Variants in SLC8B1 observed in about 807,000 individuals in gnomAD.
SLC8B1 encodes the protein mitochondrial sodium/calcium exchanger protein.
Under a neutral mutation model 63.4 loss-of-function variants are expected in SLC8B1, and 52 were observed. The ratio of observed to expected loss-of-function variants is 0.82; its 90% CI spans 0.66 to 1.03. The LOEUF is 1.03. Ranked by LOEUF, SLC8B1 falls within the 50% of genes least tolerant of loss-of-function variation. The pLI is 0.00. For synonymous variants in SLC8B1, 336 were observed against 323.9 expected, an observed-to-expected ratio of 1.04 and a Z score of -0.40; for missense variants, 657 against 741.7, an observed-to-expected ratio of 0.89 and a Z score of 1.33.
At chr12:113,318,943 G>T in intron 8 of SLC8B1, 21 bp downstream of exon 8, 1 of 1,603,166 alleles carries the variant, frequency 6.2e-7, no homozygotes, top group Non-Finnish European at 8.5e-7. Context: ...GTCCTCTCTG[G>T]GGTCCGATGC....
At chr12:113,304,524 G>T in intron 14 of SLC8B1, 139 bp from the exon 15 acceptor site, 1 of 674,898 alleles carries the variant, frequency 1.5e-6, no homozygotes, top group Non-Finnish European at 2.6e-6. Flanking sequence ...AGTGGCTCAT[G>T]CCTGTAATCC....
At chr12:113,321,031 G>C (rs541392454) in intron 4 of SLC8B1, 25 bp downstream of exon 4, 1 of 1,606,920 alleles carries the variant, frequency 6.2e-7, no homozygotes, top group African/African-American at 1.3e-5. Context: ...TGATAAGCCA[G>C]ACCGGAGCCC....
At chr12:113,315,579 A>C in intron 10 of SLC8B1, 103 bp from the exon 11 acceptor site, 4 of 1,343,454 alleles carry the variant, frequency 3.0e-6, no homozygotes, top group Non-Finnish European at 4.0e-6. Flanking sequence ...TTCATTGCTG[A>C]AGCACTGACT....
Position 113,316,637 on chromosome 12 carries a change from C to G in SLC8B1, c.882G>C (p.Leu294=), listed in dbSNP as rs1956839876. Reference sequence around the variant, plus strand: ...GAGCCGTGGTCTCCTGGTAGAAGAACAGCGGCCGGTACTCATCACCTGTGT... The same window carrying G: ...GAGCCGTGGTCTCCTGGTAGAAGAAGAGCGGCCGGTACTCATCACCTGTGT... The part of the protein sequence containing the change: ...SYDYGDEYRP[L]FFYQETTAQI... Residue 294 remains leucine, a synonymous_variant, in exon 10 of 16, where the codon CTG becomes CTC. Transcript: ENST00000680972. The G allele has an allele frequency of 3.7e-6, 6 of 1,613,806 alleles. No homozygotes were observed. Among genetic ancestry groups the G allele is most frequent in the Non-Finnish European group, 5.1e-6 (6 of 1,180,020 alleles).
intron 2 of SLC8B1, among the ~76,000 whole-genome samples, chr12:113,330,699 T>C (rs1957044716): frequency 6.6e-6 from 1 of 152,184 alleles, no homozygotes; most frequent in Non-Finnish European, 1.5e-5. Flanking sequence ...TTCCCATCTG[T>C]AAAATGGGCT....
chr12:113,316,908 CG>C, intron 9 of SLC8B1, 33 bp downstream of exon 9: 1 of 1,607,312 alleles, frequency 6.2e-7, no homozygotes, highest in Non-Finnish European at 8.5e-7. Flanking sequence ...TCCCTGTTAC[CG>C]CCACCCTGGC....
At chr12:113,321,593 G>A (rs558911349) in intron 2 of SLC8B1, among the ~76,000 whole-genome samples, 6 of 151,844 alleles carry the variant, frequency 4.0e-5, no homozygotes, top group South Asian at 2.1e-4. Context: ...TCTAAATTCC[G>A]CTTTCTTATC....
At chr12:113,304,039 CCTGA>C (rs370128615) in intron 15 of SLC8B1, among the ~76,000 whole-genome samples, 53 of 152,282 alleles carry the variant, frequency 3.5e-4, no homozygotes, top group Non-Finnish European at 6.8e-4. Context: ...CACCACCACA[CCTGA>C]CTAATTTTTG....
At chr12:113,318,867 T>C (rs1335272110) in intron 8 of SLC8B1, 97 bp downstream of exon 8, 1 of 870,576 alleles carries the variant, frequency 1.1e-6, no homozygotes, top group Non-Finnish European at 1.9e-6. Context: ...ATGAGCTTGG[T>C]GGGGACAATG....
At chr12:113,316,703 T>C (rs201732490) in intron 9 of SLC8B1, 47 bp from the exon 10 acceptor site, 2 of 1,603,156 alleles carry the variant, frequency 1.2e-6, no homozygotes, top group African/African-American at 1.3e-5. Flanking sequence ...GCTGACTTGC[T>C]CTCCAGGAAA....
At chr12:113,323,268 T>A (rs919515864) in intron 2 of SLC8B1, among the ~76,000 whole-genome samples, 1 of 152,192 alleles carries the variant, frequency 6.6e-6, no homozygotes. Flanking sequence ...ATCTTCAACA[T>A]TGCTAGATTT....
At chr12:113,329,393 C>T (rs1200397565) in intron 2 of SLC8B1, among the ~76,000 whole-genome samples, 1 of 152,202 alleles carries the variant, frequency 6.6e-6, no homozygotes, top group Non-Finnish European at 1.5e-5. Flanking sequence ...TATCTTCCTG[C>T]CCTCCCTCCT....
chr12:113,331,128 C>A (rs900494464), intron 2 of SLC8B1, among the ~76,000 whole-genome samples: 4 of 152,042 alleles, frequency 2.6e-5, no homozygotes, highest in African/African-American at 9.7e-5. Context: ...AACCTGGAGC[C>A]ATCCACAACT....
At chr12:113,303,256 A>C (rs1220169592) in intron 15 of SLC8B1, among the ~76,000 whole-genome samples, 6 of 152,200 alleles carry the variant, frequency 3.9e-5, no homozygotes, top group Non-Finnish European at 4.4e-5. Context: ...AAACCCATAA[A>C]GAGGGACAAC....
intron 2 of SLC8B1, among the ~76,000 whole-genome samples, chr12:113,325,647 T>C (rs921824300): frequency 1.3e-5 from 2 of 150,008 alleles, no homozygotes; most frequent in Non-Finnish European, 3.0e-5. Flanking sequence ...TCACGGCAAG[T>C]TCCGCCTCCC....
At chr12:113,326,380 T>C (rs1566243667) in intron 2 of SLC8B1, among the ~76,000 whole-genome samples, 1 of 152,208 alleles carries the variant, frequency 6.6e-6, no homozygotes, top group Non-Finnish European at 1.5e-5. Flanking sequence ...TTTACTTATT[T>C]ATTTTGAGAC....
In SLC8B1 at chr12:113,318,507, G is replaced by C. The variant is rs112076832; in HGVS notation, c.802+457C>G. On this transcript the variant is annotated intron_variant, in intron 8 of 15. Coordinates refer to ENST00000680972, the MANE Select transcript of SLC8B1 (RefSeq NM_001358345.2). ...ACATGTGTGAGTTGTGTGTGTGCATGTATGTGTATGTGTGCATGTATTTGT... is the reference window on the plus strand; with the variant it reads ...ACATGTGTGAGTTGTGTGTGTGCATCTATGTGTATGTGTGCATGTATTTGT... Among the ~76,000 whole-genome samples, 371 of 151,802 alleles carry C rather than the reference G, an allele frequency of 2.4e-3. 2 individuals are homozygous for C. The highest frequency in any genetic ancestry group is 8.6e-3 in the African/African-American group (354 of 41,346).
In SLC8B1 at chr12:113,318,532, T is replaced by C. The variant is rs1956875638; in HGVS notation, c.802+432A>G. Among the ~76,000 whole-genome samples, 4 of 152,170 alleles carry C rather than the reference T, an allele frequency of 2.6e-5. No individual in the cohort carries two copies. The South Asian group carries it at 8.3e-4, about 31-fold the overall frequency. On this transcript the variant is annotated intron_variant, in intron 8 of 15. Coordinates refer to ENST00000680972, the MANE Select transcript of SLC8B1 (RefSeq NM_001358345.2). ...GTATGTGTATGTGTGCATGTATTTGTATATGTGTGAGTTGTGTATTTGTGT... is the reference window on the plus strand; with the variant it reads ...GTATGTGTATGTGTGCATGTATTTGCATATGTGTGAGTTGTGTATTTGTGT...
chr12:113,300,498 TAACAAC>T (rs959168970), intron 15 of SLC8B1, among the ~76,000 whole-genome samples: 6 of 151,008 alleles, frequency 4.0e-5, no homozygotes, highest in East Asian at 2.0e-4. Flanking sequence ...ATAAATAAAA[TAACAAC>T]AACAACAACA....
Sources: allele counts gnomAD v4.1 joint callset (sites outside exome capture counted in the v4.1 genomes callset), GRCh38; gene constraint gnomAD v4.1.1; transcripts MANE v1.5; gene names NCBI Gene and HGNC (gene_info 2026-07-23, HGNC 2026-07-21).